The following IPO9 variants were observed in gnomAD, a reference collection of about 807,000 sequenced individuals.
IPO9 encodes the protein importin 9, also known as importin-9.
Under a neutral mutation model 128.6 loss-of-function variants are expected in IPO9, and 28 were observed. The ratio of observed to expected loss-of-function variants is 0.22; its 90% CI spans 0.16 to 0.30. The LOEUF is 0.30. Among genes scored for constraint, IPO9 ranks in the 10% least tolerant of loss-of-function variants. IPO9 has a pLI of 1.00. For synonymous variants in IPO9, 455 were observed against 475.8 expected (o/e 0.96, Z 0.57); for missense variants, 935 against 1,293.9 (o/e 0.72, Z 4.26).
At chr1:201,845,010 A>G (rs1359587030) in intron 1 of IPO9, among the ~76,000 whole-genome samples, 2 of 143,182 alleles carry the variant, frequency 1.4e-5, no homozygotes, top group Non-Finnish European at 3.1e-5. Context: ...TATTGATACC[A>G]GTATTTTTTT....
chr1:201,871,075 T>G, intron 18 of IPO9, 86 bp from the exon 19 acceptor site: 2 of 1,394,942 alleles, frequency 1.4e-6, no homozygotes, highest in Non-Finnish European at 2.0e-6. Context: ...GTAGACTGTA[T>G]TTCTTATCTG....
intron 4 of IPO9, among the ~76,000 whole-genome samples, chr1:201,849,590 A>G (rs995708241): frequency 5.3e-5 from 8 of 152,214 alleles, no homozygotes; most frequent in African/African-American, 1.7e-4. Flanking sequence ...TCTCAATCTC[A>G]GTTTACTGAA....
At position 201,875,055 on chromosome 1, in the gene IPO9, T is replaced by G. The variant is rs565882321; in HGVS notation, c.2939-97T>G. 2.5e-4 allele frequency: 342 copies of G among 1,380,256 alleles called. 2 individuals carry two copies. The highest frequency in any genetic ancestry group is 1.7e-5 in the Non-Finnish European group (16 of 967,000). The allele number at this position is 1,380,256 out of a possible 1,614,324, so 85.5% of individuals were successfully genotyped here. On this transcript the variant is annotated intron_variant, in intron 22 of 23. Transcript: ENST00000361565. ...CCCACAGGGACATTTCTTGGGCTTT[T>G]GCACCTTCCGCCTCAGTCATGTGGT...
In IPO9 at chr1:201,882,261, C is replaced by G. The variant is rs956871939; in HGVS notation, c.*6207C>G. 2.6e-5 allele frequency: 4 copies of G among 151,940 alleles called. No individual in the cohort carries two copies. Among genetic ancestry groups the G allele is most frequent in the African/African-American group, 9.7e-5 (4 of 41,358 alleles). The allele number at this position is 151,940 out of a possible 1,614,324, so 9.4% of individuals were successfully genotyped here. A position where few individuals can be genotyped will look rare whatever the true frequency, so the allele number is the denominator to read the frequency against. ...CCTGGCCAGCATGGTGAAACCCCGT[C>G]TCTACTAAAAATACAAAAAAATTAG... On this transcript the variant is annotated 3_prime_UTR_variant, in exon 24 of 24. Coordinates refer to ENST00000361565, the MANE Select transcript of IPO9 (RefSeq NM_018085.5).
At chr1:201,873,244 A>C (rs1245503108) in intron 20 of IPO9, among the ~76,000 whole-genome samples, 1 of 151,940 alleles carries the variant, frequency 6.6e-6, no homozygotes, top group Non-Finnish European at 1.5e-5. Context: ...CAGGAGTTTG[A>C]GACTAGCCTG....
In IPO9 at chr1:201,855,910, G is replaced by T. The variant is rs1220591240; in HGVS notation, c.1098G>T (p.Leu366=). The change falls in exon 10 of 24, where the codon CTG becomes CTT. Residue 366 remains leucine (L), a synonymous_variant. Coordinates refer to ENST00000361565, the MANE Select transcript of IPO9 (RefSeq NM_018085.5). ...CTGAATTGATTTATTATATTATCCT[G>T]TACATGCAAATCACTGAGGAGCAGG... ...ALPELIYYII[L]YMQITEEQIK... 6.3e-7 allele frequency: 1 copy of T among 1,593,734 alleles called. No individual in the cohort carries two copies. Among genetic ancestry groups the T allele is most frequent in the Non-Finnish European group, 8.5e-7 (1 of 1,174,960 alleles).
At chr1:201,856,672 G>A (rs529591811) in intron 10 of IPO9, among the ~76,000 whole-genome samples, 37 of 76,416 alleles carry the variant, frequency 4.8e-4, no homozygotes, top group African/African-American at 1.6e-3. Context: ...TTCAGTTTTT[G>A]TTGTTGTTGT....
At chr1:201,832,645 T>A (rs1257545283) in intron 1 of IPO9, among the ~76,000 whole-genome samples, 1 of 152,202 alleles carries the variant, frequency 6.6e-6, no homozygotes, top group Non-Finnish European at 1.5e-5. Context: ...TTTGATCATT[T>A]TTTGGTTCCA....
rs751562133 is a variant in IPO9 at position 201,852,216 on chromosome 1, T to TA, written c.603+25dup. The stretch of plus-strand genomic sequence containing the variant: ...AGGTATGAAATCTCAGCTCCAAGAT[T>TA]ATAGTGAGTTCAGGCTCTCTTCAGC... On this transcript the variant is annotated intron_variant, in intron 5 of 23. Transcript: ENST00000361565. 9 of 1,480,342 alleles carry TA rather than the reference T, an allele frequency of 6.1e-6. No individual in the cohort carries two copies. The South Asian group carries it at 9.1e-5, about 15-fold the overall frequency. The allele number at this position is 1,480,342 out of a possible 1,614,324, so 91.7% of individuals were successfully genotyped here.
intron 15 of IPO9, 35 bp from the exon 16 acceptor site, chr1:201,868,613 G>T (rs1680596624): frequency 5.6e-6 from 9 of 1,595,996 alleles, no homozygotes; most frequent in Middle Eastern, 1.9e-4. Flanking sequence ...CAGACCATCA[G>T]GCAGGGGGAT....
Position 201,866,730 on chromosome 1 carries a change from T to C in IPO9, c.1629-3T>C. 3 of 1,608,616 alleles carry C rather than the reference T, an allele frequency of 1.9e-6. No individual in the cohort carries two copies. Among genetic ancestry groups the C allele is most frequent in the Non-Finnish European group, 2.6e-6 (3 of 1,175,058 alleles). On this transcript the variant is annotated splice_region_variant and splice_polypyrimidine_tract_variant and intron_variant, in intron 14 of 23. Transcript: ENST00000361565. ...TAATTCTTGCTTATCTATCTCTCTC[T>C]AGTTATTGTGACCAACTGAAAGTCT...
chr1:201,872,982 TC>T (rs1428171284), intron 20 of IPO9, 21 bp downstream of exon 20: 6 of 1,602,896 alleles, frequency 3.7e-6, no homozygotes, highest in Admixed American at 1.7e-5. Context: ...CTGCGATTCT[TC>T]CAATCCTCTC....
At chr1:201,863,716 A>G (rs1680499054) in intron 14 of IPO9, 109 bp downstream of exon 14, 13 of 1,022,052 alleles carry the variant, frequency 1.3e-5, no homozygotes, top group Admixed American at 2.3e-5. Flanking sequence ...TGCTAATGAT[A>G]TCCTTCAGGG....
At chr1:201,849,067 C>T (rs1412195719) in intron 4 of IPO9, among the ~76,000 whole-genome samples, 2 of 152,098 alleles carry the variant, frequency 1.3e-5, no homozygotes, top group African/African-American at 4.8e-5. Context: ...CTTAGTTCAA[C>T]CAAGGCAAAG....
chr1:201,871,372 ATTTCTT>A, intron 19 of IPO9, 45 bp downstream of exon 19: 17 of 232,756 alleles, frequency 7.3e-5, no homozygotes, highest in African/African-American at 1.5e-4. Flanking sequence ...CACCACTCAT[ATTTCTT>A]TTTTTTTTTT....
In IPO9 at chr1:201,879,959, A is replaced by G. The variant is rs937822622; in HGVS notation, c.*3905A>G. On this transcript the variant is annotated 3_prime_UTR_variant, in exon 24 of 24. Coordinates refer to ENST00000361565, the MANE Select transcript of IPO9 (RefSeq NM_018085.5). ...GAGGCTGAGGCGGGAGAATCACTTG[A>G]ACCTGGGAGACAGAGGTTGCAGTGA... 1.3e-5 allele frequency: 2 copies of G among 152,252 alleles called. No homozygotes were observed. Among genetic ancestry groups the G allele is most frequent in the African/African-American group, 4.8e-5 (2 of 41,466 alleles). The allele number at this position is 152,252 out of a possible 1,614,324, so 9.4% of individuals were successfully genotyped here.
At position 201,879,988 on chromosome 1, in the gene IPO9, G is replaced by T. The variant is rs1240232831; in HGVS notation, c.*3934G>T. ...TGGGAGACAGAGGTTGCAGTGAGTC[G>T]AGATCACACCATTGCACTCCAGCCT... On this transcript the variant is annotated 3_prime_UTR_variant, in exon 24 of 24. Transcript: ENST00000361565. The T allele has an allele frequency of 6.6e-6, 1 of 152,074 alleles. No homozygotes were observed. Among genetic ancestry groups the T allele is most frequent in the Non-Finnish European group, 1.5e-5 (1 of 68,030 alleles). The allele number at this position is 152,074 out of a possible 1,614,324, so 9.4% of individuals were successfully genotyped here.
At chr1:201,843,827 CAAA>C (rs35870198) in intron 1 of IPO9, among the ~76,000 whole-genome samples, 11 of 95,944 alleles carry the variant, frequency 1.1e-4, no homozygotes, top group Admixed American at 2.2e-4. Context: ...GATTCTGTCT[CAAA>C]AAAAAAAAAA....
intron 8 of IPO9, 33 bp downstream of exon 8, chr1:201,854,956 A>G (rs1207245300): frequency 6.5e-7 from 1 of 1,532,588 alleles, no homozygotes; most frequent in African/African-American, 1.4e-5. Context: ...GGGAGCTACT[A>G]CCACCTATAG....
Sources: gnomAD v4.1 joint callset for allele counts (sites outside exome capture counted in the v4.1 genomes callset) on GRCh38, gnomAD v4.1.1 for gene constraint, MANE v1.5 for transcripts, NCBI Gene and HGNC (gene_info 2026-07-23, HGNC 2026-07-21) for gene names.